Variants in MYO3B observed in about 807,000 individuals in gnomAD.
The protein encoded by MYO3B is myosin-IIIb.
In MYO3B, 156 loss-of-function variants were observed where a neutral mutation model predicts 174.6. The ratio of observed to expected loss-of-function variants is 0.89; its 90% CI spans 0.78 to 1.02. The LOEUF is 1.02. MYO3B is among the 50% of genes least tolerant of loss of function. The pLI is 0.00. For missense variants in MYO3B, 1,632 were observed against 1,639.4 expected (o/e 1.00, Z 0.08); for synonymous variants, 563 against 569.1 (o/e 0.99, Z 0.15).
At chr2:170,524,166 C>T (rs34733103) in intron 30 of MYO3B, among the ~76,000 whole-genome samples, 12,343 of 151,960 alleles carry the variant, frequency 0.081, 1,487 homozygotes, top group African/African-American at 0.26. Flanking sequence ...AGTTTTTTTT[C>T]CCCCCACATT....
chr2:170,281,325 T>C (rs1490557892), intron 7 of MYO3B, among the ~76,000 whole-genome samples: 1 of 152,176 alleles, frequency 6.6e-6, no homozygotes, highest in Non-Finnish European at 1.5e-5. Context: ...ATTCTTCTCA[T>C]TGTCTAATGG....
At chr2:170,483,412 A>T (rs1685827021) in intron 25 of MYO3B, among the ~76,000 whole-genome samples, 1 of 73,228 alleles carries the variant, frequency 1.4e-5, no homozygotes, top group Non-Finnish European at 2.4e-5. Flanking sequence ...TTTGAGACGG[A>T]GTCTAGCTCT....
intron 28 of MYO3B, among the ~76,000 whole-genome samples, 173 bp from the exon 29 acceptor site, chr2:170,514,748 C>G (rs1688197165): frequency 1.3e-5 from 2 of 152,214 alleles, no homozygotes; most frequent in South Asian, 4.1e-4. Context: ...CTCAACTACA[C>G]TGTATTAAAT....
chr2:170,476,077 C>CT (rs1685299393), intron 25 of MYO3B, among the ~76,000 whole-genome samples: 1 of 152,058 alleles, frequency 6.6e-6, no homozygotes. Context: ...TCCCTGTCCC[C>CT]CCCCACAGGA....
At chr2:170,572,433 AAAAAAAACCCATCTC>A (rs1692499515) in intron 32 of MYO3B, among the ~76,000 whole-genome samples, 1 of 151,490 alleles carries the variant, frequency 6.6e-6, no homozygotes, top group African/African-American at 2.4e-5. Context: ...GTCTCAAAAA[AAAAAAAACCCATCTC>A]TACAAAAAAT....
In MYO3B at chr2:170,616,063, T is replaced by C. The variant is rs60432720; in HGVS notation, c.3734-35565T>C. Among the ~76,000 whole-genome samples the C allele has an allele frequency of 6.7e-3, 1,020 of 152,326 alleles. 11 individuals carry two copies. The highest frequency in any genetic ancestry group is 0.023 in the African/African-American group (966 of 41,560). On this transcript the variant is annotated intron_variant, in intron 32 of 34. Transcript: ENST00000408978. ...TTAAAACAGAAACACAATCTTTCCA[T>C]AACCTATGATTAGCAAGATATTAAT...
chr2:170,558,139 C>A (rs372340758), intron 32 of MYO3B, among the ~76,000 whole-genome samples: 9 of 151,950 alleles, frequency 5.9e-5, no homozygotes, highest in Non-Finnish European at 1.2e-4. Flanking sequence ...ATCTCTACTA[C>A]AAATACAAAA....
chr2:170,458,221 C>T (rs1180763464), intron 23 of MYO3B, among the ~76,000 whole-genome samples: 4 of 152,184 alleles, frequency 2.6e-5, no homozygotes, highest in Admixed American at 1.3e-4. Context: ...TAATGAAGTG[C>T]ACTATGACAT....
intron 28 of MYO3B, among the ~76,000 whole-genome samples, chr2:170,509,226 G>A (rs1006792500): frequency 1.1e-4 from 16 of 152,258 alleles, no homozygotes; most frequent in African/African-American, 3.9e-4. Flanking sequence ...ACATGGTGGC[G>A]CATGCCTGTA....
chr2:170,273,785 AT>A (rs1166380756), intron 7 of MYO3B, among the ~76,000 whole-genome samples: 4 of 152,008 alleles, frequency 2.6e-5, no homozygotes, highest in Non-Finnish European at 4.4e-5. Context: ...TCTAATACAT[AT>A]TTTTTTGTGA....
At chr2:170,234,888 G>A (rs753133563) in intron 6 of MYO3B, among the ~76,000 whole-genome samples, 1 of 152,134 alleles carries the variant, frequency 6.6e-6, no homozygotes, top group African/African-American at 2.4e-5. Flanking sequence ...CTGGATCCCT[G>A]CAGTAACATA....
At chr2:170,284,592 A>G (rs2093540191) in intron 7 of MYO3B, among the ~76,000 whole-genome samples, 1 of 152,312 alleles carries the variant, frequency 6.6e-6, no homozygotes, top group Non-Finnish European at 1.5e-5. Flanking sequence ...TGGAAAATAT[A>G]AAAGAATGTA....
chr2:170,341,706 T>C (rs2093977801), intron 8 of MYO3B, among the ~76,000 whole-genome samples: 1 of 152,092 alleles, frequency 6.6e-6, no homozygotes, highest in Non-Finnish European at 1.5e-5. Context: ...CATTGATCAA[T>C]ATACTTATAA....
chr2:170,468,929 C>T (rs545063225), intron 25 of MYO3B, among the ~76,000 whole-genome samples: 1 of 152,110 alleles, frequency 6.6e-6, no homozygotes, highest in South Asian at 2.1e-4. Flanking sequence ...GGGAGGCAGG[C>T]ACATCACCTG....
chr2:170,499,223 C>T (rs1344981307), intron 26 of MYO3B, among the ~76,000 whole-genome samples: 1 of 152,200 alleles, frequency 6.6e-6, no homozygotes, highest in Non-Finnish European at 1.5e-5. Flanking sequence ...CAACACTGCT[C>T]CTCCTCAGCA....
intron 32 of MYO3B, 38 bp from the exon 33 acceptor site, chr2:170,651,590 C>T: frequency 1.9e-6 from 3 of 1,573,230 alleles, no homozygotes; most frequent in Non-Finnish European, 2.6e-6. Flanking sequence ...TTCCCAACAC[C>T]TCGGACAGTT....
At chr2:170,267,340 A>G (rs2093391865) in intron 7 of MYO3B, among the ~76,000 whole-genome samples, 1 of 152,200 alleles carries the variant, frequency 6.6e-6, no homozygotes, top group African/African-American at 2.4e-5. Context: ...TCCATTCCTT[A>G]TGCCCACATT....
chr2:170,446,606 C>T (rs1278999275), intron 23 of MYO3B, among the ~76,000 whole-genome samples: 1 of 152,058 alleles, frequency 6.6e-6, no homozygotes, highest in African/African-American at 2.4e-5. Flanking sequence ...ATATGAAGTG[C>T]AGTAATAGCA....
intron 22 of MYO3B, among the ~76,000 whole-genome samples, chr2:170,420,863 C>G (rs1351256958): frequency 6.6e-6 from 1 of 152,158 alleles, no homozygotes; most frequent in Non-Finnish European, 1.5e-5. Flanking sequence ...CACCGACACC[C>G]CTCATCACCA....
Sources: allele counts gnomAD v4.1 joint callset (sites outside exome capture counted in the v4.1 genomes callset), GRCh38; gene constraint gnomAD v4.1.1; transcripts MANE v1.5; gene names NCBI Gene and HGNC (gene_info 2026-07-23, HGNC 2026-07-21).